Variants in NSMAF observed in about 807,000 individuals in gnomAD.
The protein encoded by NSMAF is neutral sphingomyelinase activation associated factor.
A neutral mutation model predicts 134.9 loss-of-function variants in NSMAF; 90 were observed. That is an observed-to-expected ratio of 0.67 (90% CI 0.56 to 0.79). The LOEUF is 0.79. Among genes scored for constraint, NSMAF ranks in the 30% least tolerant of loss-of-function variants. NSMAF has a pLI of 0.00. For synonymous variants in NSMAF, 358 were observed against 389.6 expected, an observed-to-expected ratio of 0.92 and a Z score of 0.96; for missense variants, 1,010 against 1,119.0, an observed-to-expected ratio of 0.90 and a Z score of 1.39.
At position 58,623,639 on chromosome 8, in the gene NSMAF, T is replaced by C. The variant is rs878937122; in HGVS notation, c.456+70A>G. 40 of 1,366,058 alleles carry C rather than the reference T, an allele frequency of 2.9e-5. No individual in the cohort carries two copies. The South Asian group carries it at 4.5e-4, about 15-fold the overall frequency. 84.6% of individuals were successfully genotyped at this position (1,366,058 alleles called of 1,614,324 possible). On this transcript the variant is annotated intron_variant, in intron 7 of 30. Transcript: ENST00000038176. ...CAGATGATGATTTGGGTAAGGTATA[T>C]AAATACGAAATTTATAAAAACAGTT...
At chr8:58,636,995 C>T (rs1041108473) in intron 2 of NSMAF, among the ~76,000 whole-genome samples, 9 of 150,990 alleles carry the variant, frequency 6.0e-5, no homozygotes, top group African/African-American at 2.0e-4. Flanking sequence ...TCCTATCCTT[C>T]GAGGATAACT....
intron 1 of NSMAF, among the ~76,000 whole-genome samples, chr8:58,645,666 G>A (rs150870126): frequency 6.6e-6 from 1 of 152,232 alleles, no homozygotes; most frequent in East Asian, 1.9e-4. Context: ...GCAGAGAACA[G>A]AAGAAAAGGT....
intron 16 of NSMAF, among the ~76,000 whole-genome samples, chr8:58,600,423 G>A (rs1256156158): frequency 1.3e-5 from 2 of 152,004 alleles, no homozygotes; most frequent in Non-Finnish European, 2.9e-5. Context: ...AGGAGATCAA[G>A]ACCATCCTGG....
intron 11 of NSMAF, among the ~76,000 whole-genome samples, chr8:58,606,543 G>A (rs1806415813): frequency 6.6e-6 from 1 of 152,146 alleles, no homozygotes; most frequent in Non-Finnish European, 1.5e-5. Context: ...AGCCTCTCGA[G>A]TAGCTAAGGC....
chr8:58,635,179 A>G lies in NSMAF; in HGVS notation c.333+10T>C. On this transcript the variant is annotated intron_variant, in intron 5 of 30. Transcript: ENST00000038176. Reference sequence around the variant, plus strand: ...TTCAGATTAGGAAAAAATATTTATTATGTGCTTACCTGACTGAAAATGAGT... The same window carrying G: ...TTCAGATTAGGAAAAAATATTTATTGTGTGCTTACCTGACTGAAAATGAGT... 1.2e-6 allele frequency: 2 copies of G among 1,601,394 alleles called. No homozygotes were observed. The highest frequency in any genetic ancestry group is 1.1e-5 in the South Asian group (1 of 89,786).
rs556578270 is a variant in NSMAF, at chr8:58,649,634, G to T, written c.60-6561C>A. 1.6e-4 allele frequency among the ~76,000 whole-genome samples: 25 copies of T among 152,260 alleles called. No individual in the cohort carries two copies. In the South Asian group the frequency reaches 5.0e-3, roughly 30 times the overall value. ...ATGAATGCCTCAGCACCATCCCCTTGGTAATAAGTGAGTTCATGCTCAGTT... is the reference window on the plus strand; with the variant it reads ...ATGAATGCCTCAGCACCATCCCCTTTGTAATAAGTGAGTTCATGCTCAGTT... On this transcript the variant is annotated intron_variant, in intron 1 of 30. Transcript: ENST00000038176.
chr8:58,590,811 G>C, intron 24 of NSMAF, 56 bp downstream of exon 24: 1 of 1,480,520 alleles, frequency 6.8e-7, no homozygotes, highest in Non-Finnish European at 9.3e-7. Context: ...GTATGGGTGT[G>C]TATAAAACAA....
chr8:58,650,270 GTTTT>G (rs1585767022), intron 1 of NSMAF, among the ~76,000 whole-genome samples: 1 of 152,152 alleles, frequency 6.6e-6, no homozygotes, highest in Non-Finnish European at 1.5e-5. Context: ...AACTTTGGAA[GTTTT>G]TTTGTTTTTA....
In NSMAF at chr8:58,595,739, T is replaced by C; in HGVS notation, c.1793-80A>G. The stretch of plus-strand genomic sequence containing the variant: ...AGCATCAGATTAACAATATTTTCTA[T>C]TAAAATCAAACAACTAAGAAATGAA... On this transcript the variant is annotated intron_variant, in intron 21 of 30. Coordinates refer to ENST00000038176, the MANE Select transcript of NSMAF (RefSeq NM_003580.4). The C allele has an allele frequency of 3.5e-6, 3 of 856,490 alleles. No homozygotes were observed. The South Asian group carries it at 4.1e-5, about 12-fold the overall frequency. 53.1% of individuals were successfully genotyped at this position (856,490 alleles called of 1,614,324 possible).
intron 9 of NSMAF, among the ~76,000 whole-genome samples, chr8:58,621,173 C>T (rs1398804213): frequency 6.6e-6 from 1 of 152,152 alleles, no homozygotes; most frequent in African/African-American, 2.4e-5. Context: ...ATGTTCAGTT[C>T]CTACTTATAA....
At chr8:58,643,102 A>G in intron 1 of NSMAF, 29 bp from the exon 2 acceptor site, 1 of 1,549,558 alleles carries the variant, frequency 6.5e-7, no homozygotes, top group East Asian at 2.2e-5. Flanking sequence ...AACAACTTTC[A>G]GTTTATTTTT....
intron 23 of NSMAF, among the ~76,000 whole-genome samples, 158 bp downstream of exon 23, chr8:58,594,074 C>T (rs1215316243): frequency 6.6e-6 from 1 of 152,198 alleles, no homozygotes; most frequent in South Asian, 2.1e-4. Flanking sequence ...GGCAAATTAC[C>T]ATGAAACTCT....
In NSMAF at chr8:58,599,599, T is replaced by G. The variant is rs1410553711; in HGVS notation, c.1453+151A>C. On this transcript the variant is annotated intron_variant, in intron 18 of 30. Coordinates refer to ENST00000038176, the MANE Select transcript of NSMAF (RefSeq NM_003580.4). ...TTAATGTTTTTACATCACAGACTCA[T>G]AGAATACTTCTGATATGGAATAGGG... The G allele has an allele frequency of 4.3e-6, 4 of 939,192 alleles. 1 individual carries two copies. In the East Asian group the frequency reaches 1.0e-4, roughly 24 times the overall value. 58.2% of individuals were successfully genotyped at this position (939,192 alleles called of 1,614,324 possible).
intron 9 of NSMAF, among the ~76,000 whole-genome samples, chr8:58,616,249 A>G (rs1168656024): frequency 6.6e-6 from 1 of 152,138 alleles, no homozygotes; most frequent in African/African-American, 2.4e-5. Context: ...AACCGGAGAT[A>G]AAGAAAACCT....
chr8:58,653,117 C>T (rs1744717221), intron 1 of NSMAF, among the ~76,000 whole-genome samples: 1 of 151,832 alleles, frequency 6.6e-6, no homozygotes, highest in African/African-American at 2.4e-5. Flanking sequence ...AAGGTTCTTA[C>T]ACTGGTAGAG....
rs779320897 is a variant in NSMAF at position 58,607,815 on chromosome 8, T to TG, written c.712dup (p.Gln238ProfsTer26). The TG allele has an allele frequency of 1.1e-5, 17 of 1,614,188 alleles. No homozygotes were observed. The highest frequency in any genetic ancestry group is 1.4e-5 in the Non-Finnish European group (17 of 1,179,980). On this transcript the variant is annotated frameshift_variant, in exon 11 of 31. Transcript: ENST00000038176. LOFTEE classifies it high-confidence loss of function. The stretch of plus-strand genomic sequence containing the variant: ...CCTTTTGTAGATGCGGCGGACATCT[T>TG]GGAGTGTTATCTGGACCACAGGTTT...
chr8:58,631,459 T>C (rs1807056550), intron 6 of NSMAF, 37 bp downstream of exon 6: 1 of 1,266,930 alleles, frequency 7.9e-7, no homozygotes, highest in Non-Finnish European at 1.1e-6. Context: ...AAAATGACTA[T>C]ATAAATTGCT....
chr8:58,631,289 CT>C (rs138352251), intron 6 of NSMAF: 1,953 of 315,480 alleles, frequency 6.2e-3, no homozygotes, highest in East Asian at 8.5e-3. Context: ...TTTTTAGGCA[CT>C]TTTTTTTTTA....
chr8:58,591,240 GT>G (rs528648851), intron 23 of NSMAF, among the ~76,000 whole-genome samples: 2 of 152,078 alleles, frequency 1.3e-5, no homozygotes, highest in Non-Finnish European at 2.9e-5. Flanking sequence ...TATGCAGAAA[GT>G]TACAGGGAGG....
Sources: allele counts gnomAD v4.1 joint callset (sites outside exome capture counted in the v4.1 genomes callset), GRCh38; gene constraint gnomAD v4.1.1; transcripts MANE v1.5; gene names NCBI Gene and HGNC (gene_info 2026-07-23, HGNC 2026-07-21).